The following ABAT variants were observed in gnomAD, a reference collection of about 807,000 sequenced individuals.
ABAT encodes the protein 4-aminobutyrate aminotransferase, mitochondrial.
ABAT carries 45 observed loss-of-function variants against 64.6 expected under a neutral mutation model. That is an observed-to-expected ratio of 0.70 (90% confidence interval 0.55 to 0.89). ABAT has a LOEUF of 0.89. Among genes scored for constraint, ABAT ranks in the 40% least tolerant of loss-of-function variants. The pLI, the probability that ABAT is intolerant of heterozygous loss-of-function variation, is 0.00. For missense variants in ABAT, 633 were observed against 658.4 expected (o/e 0.96, Z 0.42); for synonymous variants, 297 against 250.5 (o/e 1.19, Z -1.75).
At chr16:8,677,117 C>A (rs1320153330) in intron 1 of ABAT, among the ~76,000 whole-genome samples, 1 of 152,186 alleles carries the variant, frequency 6.6e-6, no homozygotes, top group African/African-American at 2.4e-5. Flanking sequence ...CACAAATCTG[C>A]CACTTAGTGT....
intron 1 of ABAT, among the ~76,000 whole-genome samples, chr16:8,727,008 C>G (rs2058577282): frequency 1.3e-5 from 2 of 152,180 alleles, no homozygotes; most frequent in Non-Finnish European, 2.9e-5. Context: ...AATATCTATT[C>G]AAATCTTTTG....
intron 1 of ABAT, among the ~76,000 whole-genome samples, chr16:8,719,096 G>C (rs953294956): frequency 3.3e-5 from 5 of 152,142 alleles, no homozygotes; most frequent in Non-Finnish European, 7.3e-5. Context: ...GTTGCTTGTT[G>C]GGCCTCCCCA....
At chr16:8,685,537 G>A (rs942971715) in intron 1 of ABAT, among the ~76,000 whole-genome samples, 7 of 151,530 alleles carry the variant, frequency 4.6e-5, no homozygotes, top group Non-Finnish European at 8.8e-5. Context: ...TTAGCCTGGC[G>A]TGGCAGCCTG....
At chr16:8,720,140 G>A (rs758909654) in intron 1 of ABAT, among the ~76,000 whole-genome samples, 16 of 152,166 alleles carry the variant, frequency 1.1e-4, no homozygotes, top group Non-Finnish European at 2.1e-4. Flanking sequence ...AGAGCTCTTT[G>A]GAAACAGAAA....
At chr16:8,729,915 G>A (rs987009170) in intron 1 of ABAT, among the ~76,000 whole-genome samples, 4 of 151,652 alleles carry the variant, frequency 2.6e-5, no homozygotes, top group African/African-American at 9.7e-5. Flanking sequence ...GCCCTGTCTA[G>A]TCAACCATGG....
intron 11 of ABAT, among the ~76,000 whole-genome samples, chr16:8,769,485 G>A (rs554832073): frequency 6.6e-6 from 1 of 151,002 alleles, no homozygotes; most frequent in African/African-American, 2.4e-5. Flanking sequence ...CTTGGACCCG[G>A]GAGGCAGAGG....
intron 1 of ABAT, among the ~76,000 whole-genome samples, chr16:8,723,412 C>G (rs1567285858): frequency 6.6e-6 from 1 of 152,120 alleles, no homozygotes. Flanking sequence ...GCTTCTGTAC[C>G]AAGAAAGAGA....
intron 1 of ABAT, among the ~76,000 whole-genome samples, chr16:8,681,844 G>A (rs1031048743): frequency 1.3e-5 from 2 of 152,024 alleles, no homozygotes; most frequent in Non-Finnish European, 2.9e-5. Context: ...GTTTCACCAT[G>A]TTGGCCAGGC....
At chr16:8,731,729 C>T (rs910181689) in intron 1 of ABAT, among the ~76,000 whole-genome samples, 6 of 151,924 alleles carry the variant, frequency 3.9e-5, no homozygotes. Context: ...ATTATAAGCA[C>T]TTTTGTTGTA....
rs149124723 is a variant in ABAT, at chr16:8,729,804, CTTTT to C, written c.-41-5894_-41-5891del. ...ATCACGCCACTGCTCTCTAGTCTTTCTTTTGTCTAGCCCTTTTTTGTCTTAAAAA... is the reference window on the plus strand; with the variant it reads ...ATCACGCCACTGCTCTCTAGTCTTTCGTCTAGCCCTTTTTTGTCTTAAAAA... On this transcript the variant is annotated intron_variant, in intron 1 of 15. Coordinates refer to ENST00000268251, the MANE Select transcript of ABAT (RefSeq NM_020686.6). 7.3e-3 allele frequency among the ~76,000 whole-genome samples: 888 copies of C among 121,824 alleles called. 12 individuals carry two copies. The highest frequency in any genetic ancestry group is 0.026 in the African/African-American group (831 of 31,696). The allele number at this position is 121,824 out of a possible 152,430, so 79.9% of individuals were successfully genotyped here.
At chr16:8,699,809 CTT>C (rs1412717782) in intron 1 of ABAT, among the ~76,000 whole-genome samples, 1 of 150,918 alleles carries the variant, frequency 6.6e-6, no homozygotes, top group Non-Finnish European at 1.5e-5. Context: ...CTTCTCTTCT[CTT>C]CTCTCTCTTT....
intron 2 of ABAT, 23 bp from the exon 3 acceptor site, chr16:8,745,978 C>T (rs1264534890): frequency 1.2e-6 from 2 of 1,608,574 alleles, no homozygotes; most frequent in East Asian, 2.2e-5. Context: ...CCAGGGATTT[C>T]TCATTGTCTT....
At chr16:8,742,669 A>C (rs1379262090) in intron 2 of ABAT, among the ~76,000 whole-genome samples, 1 of 152,050 alleles carries the variant, frequency 6.6e-6, no homozygotes, top group African/African-American at 2.4e-5. Context: ...GTTCCAGACC[A>C]TCCTGGGAAA....
intron 1 of ABAT, among the ~76,000 whole-genome samples, chr16:8,708,151 C>G: frequency 7.7e-6 from 1 of 129,272 alleles, no homozygotes; most frequent in East Asian, 2.5e-4. Context: ...TAATTCTCAG[C>G]CCATCTAGAC....
intron 5 of ABAT, among the ~76,000 whole-genome samples, chr16:8,755,497 T>G (rs2059623427): frequency 6.6e-6 from 1 of 152,244 alleles, no homozygotes; most frequent in African/African-American, 2.4e-5. Context: ...TGCTGAGTTC[T>G]TTTCTCAGAG....
chr16:8,724,392 G>C (rs2058473619), intron 1 of ABAT, among the ~76,000 whole-genome samples: 1 of 152,174 alleles, frequency 6.6e-6, no homozygotes, highest in Non-Finnish European at 1.5e-5. Flanking sequence ...GCCAGCACTG[G>C]CACGTGTTGT....
At chr16:8,751,778 C>T (rs1439863594) in intron 5 of ABAT, among the ~76,000 whole-genome samples, 2 of 152,176 alleles carry the variant, frequency 1.3e-5, no homozygotes, top group African/African-American at 4.8e-5. Context: ...AAAGTGACCT[C>T]GGTGGGATGC....
At chr16:8,732,265 A>G (rs1440425485) in intron 1 of ABAT, among the ~76,000 whole-genome samples, 2 of 133,662 alleles carry the variant, frequency 1.5e-5, no homozygotes, top group Non-Finnish European at 3.1e-5. Flanking sequence ...GGTGTTTCTC[A>G]CAGAGGGGGA....
intron 6 of ABAT, 63 bp downstream of exon 6, chr16:8,757,869 G>C: frequency 6.5e-7 from 1 of 1,543,542 alleles, no homozygotes; most frequent in Non-Finnish European, 9.0e-7. Flanking sequence ...CAGAATCACT[G>C]GGCAGACTTT....
Sources: gnomAD v4.1 joint callset for allele counts (sites outside exome capture counted in the v4.1 genomes callset) on GRCh38, gnomAD v4.1.1 for gene constraint, MANE v1.5 for transcripts, NCBI Gene and HGNC (gene_info 2026-07-23, HGNC 2026-07-21) for gene names.